The following DOCK5 variants were observed in gnomAD, a reference collection of about 807,000 sequenced individuals.
The protein encoded by DOCK5 is dedicator of cytokinesis protein 5.
DOCK5 carries 142 observed loss-of-function variants against 251.8 expected under a neutral mutation model. That is an observed-to-expected ratio of 0.56 (90% CI 0.49 to 0.65). DOCK5 has a LOEUF of 0.65. DOCK5 is among the 30% of genes least tolerant of loss of function. The probability of loss-of-function intolerance (pLI) is 0.00; values close to 1 mark genes in which losing one functional copy is unlikely to be tolerated. For missense variants in DOCK5, 2,111 were observed against 2,312.3 expected (o/e 0.91, Z 1.79); for synonymous variants, 842 against 835.5 (o/e 1.01, Z -0.13).
chr8:25,289,993 A>G (rs759065138), intron 5 of DOCK5, among the ~76,000 whole-genome samples: 17 of 152,178 alleles, frequency 1.1e-4, no homozygotes, highest in Non-Finnish European at 2.2e-4. Context: ...CTATATACGC[A>G]AGATCATATT....
rs917710196 is a variant in DOCK5, at chr8:25,390,248, C to A, written c.4316C>A (p.Pro1439His). 6.3e-7 allele frequency: 1 copy of A among 1,593,502 alleles called. No individual in the cohort carries two copies. The highest frequency in any genetic ancestry group is 8.6e-7 in the Non-Finnish European group (1 of 1,169,578). Residue 1439 changes from proline to histidine, a missense_variant, in exon 42 of 52, where the codon CCC becomes CAC. Around this residue, in one of 3 missense-constraint regions of DOCK5, gnomAD observed 1,717 missense variants for 1,892.4 expected, o/e 0.91. Coordinates refer to ENST00000276440, the MANE Select transcript of DOCK5 (RefSeq NM_024940.8). ...FTVKPVMSLP[P>H]SYKDKPVPEQ... ...GTAAAGCCAGTGATGAGCTTGCCGC[C>A]CAGCTACAAGGATAAACCTGTTCCA...
At chr8:25,296,790 G>A in intron 7 of DOCK5, 142 bp downstream of exon 7, 1 of 980,726 alleles carries the variant, frequency 1.0e-6, no homozygotes, top group Non-Finnish European at 1.5e-6. Flanking sequence ...TAGCAGAAAG[G>A]ATGAGGCAGG....
At position 25,410,094 on chromosome 8, in the gene DOCK5, T is replaced by A. The variant is rs748575127; in HGVS notation, c.5405-5T>A. 1.9e-6 allele frequency: 3 copies of A among 1,611,982 alleles called. No individual in the cohort carries two copies. The East Asian group carries it at 6.7e-5, about 36-fold the overall frequency. ...TCTGCCGCCTGCACTTTCTGTCATT[T>A]CTAGGCTCCCCATCGTTGCAGACAG... On this transcript the variant is annotated splice_region_variant and splice_polypyrimidine_tract_variant and intron_variant, in intron 50 of 51. Coordinates refer to ENST00000276440, the MANE Select transcript of DOCK5 (RefSeq NM_024940.8).
intron 51 of DOCK5, among the ~76,000 whole-genome samples, chr8:25,410,451 G>A (rs1391607441): frequency 6.6e-6 from 1 of 151,782 alleles, no homozygotes; most frequent in Non-Finnish European, 1.5e-5. Flanking sequence ...AATAAGCCGT[G>A]AGTTCTAGTT....
chr8:25,212,268 CA>C, intron 1 of DOCK5, among the ~76,000 whole-genome samples: 1 of 69,280 alleles, frequency 1.4e-5, no homozygotes, highest in East Asian at 3.2e-4. Context: ...TCTTAATTAA[CA>C]AGAGGATCAA....
At chr8:25,249,775 A>T (rs1233502627) in intron 2 of DOCK5, among the ~76,000 whole-genome samples, 2 of 152,140 alleles carry the variant, frequency 1.3e-5, no homozygotes, top group Non-Finnish European at 2.9e-5. Context: ...TTGTAGAGAC[A>T]GGGTCTCGCT....
At position 25,401,033 on chromosome 8, in the gene DOCK5, G is replaced by A. The variant is rs1252404654; in HGVS notation, c.4893G>A (p.Glu1631=). 1.2e-6 allele frequency: 2 copies of A among 1,613,918 alleles called. No homozygotes were observed. Among genetic ancestry groups the A allele is most frequent in the Non-Finnish European group, 8.5e-7 (1 of 1,179,904 alleles). Residue 1631 remains glutamate, a synonymous_variant, in exon 47 of 52, where the codon GAG becomes GAA. Transcript: ENST00000276440. ...RLSSCFRELK[E]KVEKHYGVIT... ...CTTCTTGCTTCCGGGAACTCAAGGA[G>A]AAAGTAGAAAAGCACTATGGGGTTA...
intron 22 of DOCK5, among the ~76,000 whole-genome samples, chr8:25,339,494 G>C (rs1000039876): frequency 6.6e-6 from 1 of 152,166 alleles, no homozygotes; most frequent in Non-Finnish European, 1.5e-5. Context: ...CCTAAATGAA[G>C]GCAGTGTTGG....
intron 25 of DOCK5, among the ~76,000 whole-genome samples, chr8:25,342,995 G>A (rs775099929): frequency 2.0e-5 from 3 of 151,042 alleles, no homozygotes; most frequent in East Asian, 2.0e-4. Flanking sequence ...GTGAGCCACC[G>A]CGTCCGGCTT....
At chr8:25,313,237 C>T (rs1385300278) in intron 13 of DOCK5, among the ~76,000 whole-genome samples, 4 of 152,134 alleles carry the variant, frequency 2.6e-5, no homozygotes, top group African/African-American at 9.7e-5. Flanking sequence ...TCTTCAGCAT[C>T]GCAGGAGTGA....
At chr8:25,386,860 T>A (rs763551164) in intron 40 of DOCK5, among the ~76,000 whole-genome samples, 3 of 152,188 alleles carry the variant, frequency 2.0e-5, no homozygotes, top group Non-Finnish European at 4.4e-5. Flanking sequence ...AATCACGTAA[T>A]CACTGAGTCT....
At chr8:25,299,218 G>T in intron 8 of DOCK5, 117 bp downstream of exon 8, 1 of 1,215,694 alleles carries the variant, frequency 8.2e-7, no homozygotes, top group South Asian at 1.6e-5. Context: ...AAGCATGGAA[G>T]ATTTCTAAGC....
intron 48 of DOCK5, among the ~76,000 whole-genome samples, chr8:25,404,729 G>A (rs980035472): frequency 1.3e-5 from 2 of 151,816 alleles, no homozygotes; most frequent in African/African-American, 4.8e-5. Context: ...ATATCAATAT[G>A]GGAAAAATCT....
chr8:25,292,312 AC>A, intron 6 of DOCK5, 140 bp downstream of exon 6: 1 of 1,067,284 alleles, frequency 9.4e-7, no homozygotes. Context: ...GTCTTTGAAG[AC>A]ATTTAATTTT....
chr8:25,191,638 AATC>A (rs1465888855), intron 1 of DOCK5, among the ~76,000 whole-genome samples: 1 of 152,106 alleles, frequency 6.6e-6, no homozygotes, highest in East Asian at 1.9e-4. Flanking sequence ...TATTTCATTA[AATC>A]ATTGTGGCAG....
At chr8:25,330,843 G>A (rs1240657580) in intron 18 of DOCK5, among the ~76,000 whole-genome samples, 1 of 152,130 alleles carries the variant, frequency 6.6e-6, no homozygotes, top group Non-Finnish European at 1.5e-5. Flanking sequence ...GGGAGGCCGA[G>A]GCAGGAGGCT....
intron 45 of DOCK5, among the ~76,000 whole-genome samples, chr8:25,397,751 G>C (rs1308006998): frequency 1.3e-5 from 2 of 151,336 alleles, no homozygotes; most frequent in African/African-American, 4.8e-5. Context: ...GCCAATATCT[G>C]TGACTGACAC....
At chr8:25,374,773 C>A in intron 37 of DOCK5, 119 bp downstream of exon 37, 1 of 1,591,044 alleles carries the variant, frequency 6.3e-7, no homozygotes, top group Middle Eastern at 1.7e-4. Flanking sequence ...TCCTTTTATA[C>A]AAGTTTTTTT....
chr8:25,245,762 A>C (rs756003312), intron 2 of DOCK5, among the ~76,000 whole-genome samples: 1 of 151,100 alleles, frequency 6.6e-6, no homozygotes, highest in East Asian at 2.0e-4. Flanking sequence ...CTGGTCTTGA[A>C]CTCCTGAGCT....
Sources: gnomAD v4.1 joint callset for allele counts (sites outside exome capture counted in the v4.1 genomes callset) on GRCh38, gnomAD v4.1.1 for gene constraint, gnomAD v4.1.1 regional missense constraint, MANE v1.5 for transcripts, NCBI Gene and HGNC (gene_info 2026-07-23, HGNC 2026-07-21) for gene names.